Variants in WWOX observed in about 807,000 individuals in gnomAD.
WWOX encodes WW domain containing oxidoreductase.
WWOX carries 69 observed loss-of-function variants against 46.2 expected under a neutral mutation model. The ratio of observed to expected loss-of-function variants is 1.49; its 90% CI spans 1.23 to 1.82. The LOEUF (loss-of-function observed/expected upper bound fraction) is 1.82. Ranked by LOEUF, WWOX falls within the 40% of genes most tolerant of loss-of-function variation. The pLI is 0.00. For synonymous variants in WWOX, 359 were observed against 202.6 expected (o/e 1.77, Z -6.56); for missense variants, 919 against 542.6 (o/e 1.69, Z -6.89).
chr16:78,355,084 A>C (rs959388274), intron 5 of WWOX, among the ~76,000 whole-genome samples: 1 of 151,764 alleles, frequency 6.6e-6, no homozygotes, highest in African/African-American at 2.4e-5. Flanking sequence ...GTGAGCTGAG[A>C]TGGAGCCACT....
At chr16:78,287,339 C>G (rs530560586) in intron 5 of WWOX, among the ~76,000 whole-genome samples, 9 of 152,246 alleles carry the variant, frequency 5.9e-5, no homozygotes, top group African/African-American at 2.2e-4. Context: ...ACTAGCATCT[C>G]AAGCAGTTGG....
At chr16:78,391,506 ATAGGAATTTCAG>A in intron 6 of WWOX, among the ~76,000 whole-genome samples, 1 of 152,352 alleles carries the variant, frequency 6.6e-6, no homozygotes, top group South Asian at 2.1e-4. Flanking sequence ...CACTTCAGTC[ATAGGAATTTCAG>A]TGTGGATTTC....
chr16:78,549,837 A>C (rs554085326), intron 8 of WWOX, among the ~76,000 whole-genome samples: 24 of 152,218 alleles, frequency 1.6e-4, no homozygotes, highest in African/African-American at 5.1e-4. Context: ...TGGTGTATGT[A>C]GGGCAGGAAC....
chr16:79,040,955 T>C (rs920646246), intron 8 of WWOX, among the ~76,000 whole-genome samples: 1 of 152,028 alleles, frequency 6.6e-6, no homozygotes, highest in Admixed American at 6.5e-5. Flanking sequence ...TTTTGGGCTG[T>C]GGGGGGACAA....
intron 5 of WWOX, among the ~76,000 whole-genome samples, chr16:78,203,738 A>T (rs1053768049): frequency 6.6e-6 from 1 of 152,270 alleles, no homozygotes; most frequent in Admixed American, 6.5e-5. Flanking sequence ...TAAAATAATG[A>T]GGCTCAATGT....
intron 8 of WWOX, among the ~76,000 whole-genome samples, chr16:79,126,992 C>T (rs1028815866): frequency 2.0e-5 from 3 of 151,704 alleles, no homozygotes; most frequent in African/African-American, 7.3e-5. Flanking sequence ...TATGTGGCCA[C>T]TGCTTTTTTT....
At chr16:78,885,925 T>TA (rs1194346496) in intron 8 of WWOX, among the ~76,000 whole-genome samples, 9 of 52,084 alleles carry the variant, frequency 1.7e-4, no homozygotes, top group African/African-American at 4.1e-4. Flanking sequence ...GGGGATGGAA[T>TA]TTTTTTTTTT....
intron 8 of WWOX, among the ~76,000 whole-genome samples, chr16:78,715,384 T>C (rs771436399): frequency 1.3e-5 from 2 of 152,172 alleles, no homozygotes; most frequent in Non-Finnish European, 2.9e-5. Flanking sequence ...TTCATTCTTC[T>C]GGGATCGTAG....
chr16:78,809,340 C>G (rs1033463616), intron 8 of WWOX, among the ~76,000 whole-genome samples: 2 of 148,904 alleles, frequency 1.3e-5, no homozygotes, highest in Non-Finnish European at 3.0e-5. Context: ...GAAAAAACCA[C>G]CGTGGTATTC....
At chr16:78,210,985 A>G (rs976625451) in intron 5 of WWOX, among the ~76,000 whole-genome samples, 1 of 152,226 alleles carries the variant, frequency 6.6e-6, no homozygotes, top group African/African-American at 2.4e-5. Context: ...ACTATGAAAC[A>G]AATTTTCTTT....
intron 5 of WWOX, among the ~76,000 whole-genome samples, chr16:78,198,654 T>C (rs1270449853): frequency 5.9e-5 from 9 of 152,224 alleles, no homozygotes; most frequent in Non-Finnish European, 1.3e-4. Context: ...TCAGGCACTA[T>C]CTAATGACTT....
intron 8 of WWOX, among the ~76,000 whole-genome samples, chr16:78,877,540 G>C (rs2044259194): frequency 6.6e-6 from 1 of 152,150 alleles, no homozygotes; most frequent in African/African-American, 2.4e-5. Flanking sequence ...TCTGAGCCTT[G>C]CACCCTCTCT....
intron 8 of WWOX, among the ~76,000 whole-genome samples, chr16:78,778,970 A>T (rs1365308807): frequency 6.6e-6 from 1 of 152,148 alleles, no homozygotes; most frequent in Non-Finnish European, 1.5e-5. Context: ...TTCACTCCAA[A>T]TGCTGCTTCT....
intron 8 of WWOX, among the ~76,000 whole-genome samples, chr16:79,191,715 C>A (rs2051140565): frequency 6.6e-6 from 1 of 152,186 alleles, no homozygotes; most frequent in Admixed American, 6.5e-5. Context: ...CCTACCCCAA[C>A]CTGGCAAATG....
At chr16:78,761,512 C>G (rs2049793235) in intron 8 of WWOX, among the ~76,000 whole-genome samples, 1 of 152,136 alleles carries the variant, frequency 6.6e-6, no homozygotes, top group Non-Finnish European at 1.5e-5. Context: ...TGCTGCTTTT[C>G]TTTCTCTGCT....
chr16:78,174,606 CTA>C (rs2151746519), intron 5 of WWOX, among the ~76,000 whole-genome samples: 1 of 152,288 alleles, frequency 6.6e-6, no homozygotes, highest in East Asian at 1.9e-4. Flanking sequence ...GCTGTAAAGT[CTA>C]TGTCTTTTTA....
chr16:78,732,386 T>A (rs1252467630), intron 8 of WWOX, among the ~76,000 whole-genome samples: 1 of 152,102 alleles, frequency 6.6e-6, no homozygotes, highest in Non-Finnish European at 1.5e-5. Context: ...TAGAGAGGAA[T>A]TGAGGCCGCC....
intron 5 of WWOX, among the ~76,000 whole-genome samples, chr16:78,262,640 T>C (rs534100408): frequency 6.6e-6 from 1 of 152,114 alleles, no homozygotes; most frequent in Admixed American, 6.5e-5. Flanking sequence ...ATGAGAACAG[T>C]TGGAGAAGGT....
At chr16:78,415,062 A>G (rs1265741779) in intron 6 of WWOX, among the ~76,000 whole-genome samples, 1 of 148,594 alleles carries the variant, frequency 6.7e-6, no homozygotes, top group African/African-American at 2.4e-5. Flanking sequence ...TTGATTAGCT[A>G]TAATATATTT....
Sources: allele counts gnomAD v4.1 joint callset (sites outside exome capture counted in the v4.1 genomes callset), GRCh38; gene constraint gnomAD v4.1.1; transcripts MANE v1.5; gene names NCBI Gene and HGNC (gene_info 2026-07-23, HGNC 2026-07-21).